DISP1: variants seen among roughly 807,000 people sequenced by gnomAD.
The protein encoded by DISP1 is protein dispatched homolog 1.
In DISP1, 30 loss-of-function variants were observed where a neutral mutation model predicts 37.3. That is an observed-to-expected ratio of 0.80 (90% CI 0.60 to 1.09). The LOEUF is 1.09. Ranked by LOEUF, DISP1 falls within the 50% of genes least tolerant of loss-of-function variation. DISP1 has a pLI of 0.00. For missense variants in DISP1, 1,598 were observed against 1,879.5 expected (o/e 0.85, Z 2.77); for synonymous variants, 634 against 690.2 (o/e 0.92, Z 1.28).
At chr1:222,992,525 A>C (rs1678772190) in intron 7 of DISP1, among the ~76,000 whole-genome samples, 1 of 152,222 alleles carries the variant, frequency 6.6e-6, no homozygotes, top group African/African-American at 2.4e-5. Flanking sequence ...AATTCATTCT[A>C]AAGTGAATCA....
rs143347054 is a variant in DISP1 at position 222,947,985 on chromosome 1, A to C, written c.509+4653A>C. ...AGGTGGAATCTACTAGATTTGGTGG[A>C]TGATTGGATATCGGAGGGGCAAAGG... On this transcript the variant is annotated intron_variant, in intron 3 of 8. Coordinates refer to ENST00000675850, the MANE Select transcript of DISP1 (RefSeq NM_001377229.1). Among the ~76,000 whole-genome samples, 613 of 152,294 alleles carry C rather than the reference A, an allele frequency of 4.0e-3. 12 individuals are homozygous for C. The highest frequency in any genetic ancestry group is 0.017 in the East Asian group (89 of 5,190).
intron 8 of DISP1, among the ~76,000 whole-genome samples, chr1:222,996,105 A>G (rs979240659): frequency 5.9e-5 from 9 of 152,334 alleles, no homozygotes; most frequent in South Asian, 2.1e-4. Context: ...TGTCAGTGCT[A>G]TCTTCCTTTC....
At chr1:222,894,728 C>T (rs575583140) in intron 1 of DISP1, among the ~76,000 whole-genome samples, 20 of 152,344 alleles carry the variant, frequency 1.3e-4, no homozygotes, top group African/African-American at 4.3e-4. Flanking sequence ...GGGGCTCCCA[C>T]CTGTTCCCGC....
intron 1 of DISP1, among the ~76,000 whole-genome samples, chr1:222,815,881 CCAGTGCTGTCAATGTTTG>C (rs1192284081): frequency 6.6e-6 from 1 of 152,150 alleles, no homozygotes; most frequent in Non-Finnish European, 1.5e-5. Context: ...ACATGGAAAG[CCAGTGCTGTCAATGTTTG>C]CAGTTTCAAC....
chr1:222,841,063 G>T (rs1168512813), intron 1 of DISP1, among the ~76,000 whole-genome samples: 2 of 152,026 alleles, frequency 1.3e-5, no homozygotes, highest in Admixed American at 1.3e-4. Context: ...ATAGCACAGT[G>T]CCAGACATAT....
intron 1 of DISP1, among the ~76,000 whole-genome samples, chr1:222,847,259 A>G (rs1045041531): frequency 1.4e-4 from 22 of 152,234 alleles, no homozygotes; most frequent in African/African-American, 4.3e-4. Flanking sequence ...AAATTCTGTC[A>G]TAATAAGATA....
intron 1 of DISP1, among the ~76,000 whole-genome samples, chr1:222,888,655 A>G (rs1670776051): frequency 6.6e-6 from 1 of 152,194 alleles, no homozygotes; most frequent in Non-Finnish European, 1.5e-5. Flanking sequence ...AAAGCAAGCC[A>G]GAAAGTATTT....
intron 1 of DISP1, among the ~76,000 whole-genome samples, chr1:222,851,657 T>C (rs1668241088): frequency 2.6e-5 from 4 of 152,230 alleles, no homozygotes; most frequent in Admixed American, 2.0e-4. Context: ...GTAATATTTA[T>C]AAATAACAAC....
chr1:222,872,947 G>C (rs1364507278), intron 1 of DISP1, among the ~76,000 whole-genome samples: 3 of 152,188 alleles, frequency 2.0e-5, no homozygotes, highest in Non-Finnish European at 4.4e-5. Context: ...TGCTTTGAAT[G>C]AGTCCCAGAG....
At chr1:222,984,757 C>G (rs1282526558) in intron 4 of DISP1, among the ~76,000 whole-genome samples, 1 of 152,052 alleles carries the variant, frequency 6.6e-6, no homozygotes, top group Non-Finnish European at 1.5e-5. Flanking sequence ...TGTTGTAAAA[C>G]TGAAATTCTG....
chr1:223,003,263 C>T lies in DISP1; in HGVS notation c.1866C>T (p.Asn622=). 1.2e-6 allele frequency: 2 copies of T among 1,614,232 alleles called. No homozygotes were observed. Among genetic ancestry groups the T allele is most frequent in the Non-Finnish European group, 1.7e-6 (2 of 1,180,026 alleles). The change falls in exon 9 of 9, where the codon AAC becomes AAT. Residue 622 remains asparagine (N), a synonymous_variant. Transcript: ENST00000675850. The surrounding 1 kb of genome is among the most constrained non-coding windows in gnomAD (Gnocchi z 4.3). ...CCACTGCTGCTGCCTTTTATGCTAACTATGTTAGCAACATTACAGCAATCC... is the reference window on the plus strand; with the variant it reads ...CCACTGCTGCTGCCTTTTATGCTAATTATGTTAGCAACATTACAGCAATCC... ...SFTTAAAFYA[N]YVSNITAIRC...
At chr1:222,939,245 C>T (rs1221694274) in intron 2 of DISP1, among the ~76,000 whole-genome samples, 1 of 151,960 alleles carries the variant, frequency 6.6e-6, no homozygotes, top group African/African-American at 2.4e-5. Flanking sequence ...TGATTAGGTC[C>T]CCAGCTGGCA....
rs186183841 is a variant in DISP1 at position 222,830,412 on chromosome 1, G to T, written c.-159+15334G>T. Among the ~76,000 whole-genome samples, 3 of 148,192 alleles carry T rather than the reference G, an allele frequency of 2.0e-5. No homozygotes were observed. In the South Asian group the frequency reaches 6.4e-4, roughly 32 times the overall value. On this transcript the variant is annotated intron_variant, in intron 1 of 8. Transcript: ENST00000675850. ...CCTTTTTTTTTTGAGACAGCGTCTC[G>T]CCCTGTCACCCAGGCTGGAGTGCCG...
intron 1 of DISP1, among the ~76,000 whole-genome samples, chr1:222,922,558 A>T (rs1383576158): frequency 6.6e-6 from 1 of 152,160 alleles, no homozygotes; most frequent in Non-Finnish European, 1.5e-5. Context: ...TTTAAGTGAA[A>T]ATTTTGGGCT....
rs185660625 is a variant in DISP1, at chr1:222,887,043, T to A, written c.-158-41387T>A. Among the ~76,000 whole-genome samples the A allele has an allele frequency of 2.9e-3, 446 of 152,314 alleles. 3 individuals are homozygous for A. Among genetic ancestry groups the A allele is most frequent in the African/African-American group, 0.01 (433 of 41,562 alleles). Reference sequence around the variant, plus strand: ...GCACAACTTTACATAAACACAAAGTTTGTGATTGAGACATTTTTTAAAACC... The same window carrying A: ...GCACAACTTTACATAAACACAAAGTATGTGATTGAGACATTTTTTAAAACC... On this transcript the variant is annotated intron_variant, in intron 1 of 8. Coordinates refer to ENST00000675850, the MANE Select transcript of DISP1 (RefSeq NM_001377229.1).
At position 223,004,939 on chromosome 1, in the gene DISP1, G is replaced by A. The variant is rs1679780501; in HGVS notation, c.3542G>A (p.Arg1181Lys). Reference sequence around the variant, plus strand: ...ATAAATGCTTATCATTTAGATCCCAGGGGCCCAAAATCTGAACTGGAGCAT... The same window carrying A: ...ATAAATGCTTATCATTTAGATCCCAAGGGCCCAAAATCTGAACTGGAGCAT... ...HTINAYHLDP[R>K]GPKSELEHEF... Residue 1181 changes from arginine (R) to lysine (K), a missense_variant, in exon 9 of 9, where the codon AGG (arginine) becomes AAG (lysine). Arg to Lys is a conservative substitution (Grantham distance 26). Transcript: ENST00000675850. This position sits in a 1 kb window ranked among gnomAD's most constrained non-coding sequence, Gnocchi z 4.9. 6.2e-7 allele frequency: 1 copy of A among 1,612,914 alleles called. No homozygotes were observed. The highest frequency in any genetic ancestry group is 1.3e-5 in the African/African-American group (1 of 74,870).
At position 223,003,207 on chromosome 1, in the gene DISP1, G is replaced by A. The variant is rs375851211; in HGVS notation, c.1810G>A (p.Ala604Thr). 75 of 1,614,130 alleles carry A rather than the reference G, an allele frequency of 4.6e-5. No homozygotes were observed. In the Middle Eastern group the frequency reaches 6.6e-4, roughly 14 times the overall value. Reference sequence around the variant, plus strand: ...AACAGTAAGCATCACCTTGCAGCACGCTGCCCTCTCCATGTTCGTCACCAG... The same window carrying A: ...AACAGTAAGCATCACCTTGCAGCACACTGCCCTCTCCATGTTCGTCACCAG... Reference protein sequence around the residue: ...SETVSITLQHAALSMFVTSFT... With the variant: ...SETVSITLQHTALSMFVTSFT... Residue 604 changes from alanine to threonine, a missense_variant, in exon 9 of 9, where the codon GCT (alanine) becomes ACT (threonine). Ala to Thr is a moderately conservative substitution (Grantham distance 58). Coordinates refer to ENST00000675850, the MANE Select transcript of DISP1 (RefSeq NM_001377229.1). This position sits in a 1 kb window ranked among gnomAD's most constrained non-coding sequence, Gnocchi z 4.3.
chr1:222,859,374 A>C (rs1668748520), intron 1 of DISP1, among the ~76,000 whole-genome samples: 1 of 152,138 alleles, frequency 6.6e-6, no homozygotes, highest in South Asian at 2.1e-4. Context: ...AAAATAGCTA[A>C]TGCATGCTGG....
intron 1 of DISP1, among the ~76,000 whole-genome samples, chr1:222,836,684 A>G (rs901176577): frequency 1.3e-5 from 2 of 151,846 alleles, no homozygotes; most frequent in Non-Finnish European, 2.9e-5. Flanking sequence ...AACAAATAGT[A>G]TTAAGGAGGA....
Sources: gnomAD v4.1 joint callset for allele counts (sites outside exome capture counted in the v4.1 genomes callset) on GRCh38, gnomAD v4.1.1 for gene constraint, Gnocchi (gnomAD v3.1) non-coding constraint, MANE v1.5 for transcripts, NCBI Gene and HGNC (gene_info 2026-07-23, HGNC 2026-07-21) for gene names.